The following ASZ1 variants were observed in gnomAD, a reference collection of about 807,000 sequenced individuals.
The protein encoded by ASZ1 is ankyrin repeat, SAM and basic leucine zipper domain-containing protein 1.
A neutral mutation model predicts 61.8 loss-of-function variants in ASZ1; 67 were observed. The observed-to-expected ratio is 1.08, with a 90% confidence interval of 0.89 to 1.33. ASZ1 has a LOEUF of 1.33. ASZ1 is among the 40% of genes most tolerant of loss of function. The probability of loss-of-function intolerance (pLI) is 0.00; values close to 1 mark genes in which losing one functional copy is unlikely to be tolerated. For missense variants in ASZ1, 577 were observed against 554.5 expected, an observed-to-expected ratio of 1.04 and a Z score of -0.41; for synonymous variants, 193 against 192.7, an observed-to-expected ratio of 1.00 and a Z score of -0.01.
At chr7:117,397,241 GAACCA>G (rs1257344540) in intron 4 of ASZ1, among the ~76,000 whole-genome samples, 2 of 151,608 alleles carry the variant, frequency 1.3e-5, no homozygotes, top group Non-Finnish European at 2.9e-5. Context: ...GAACCGAACC[GAACCA>G]AACCAAACCA....
intron 4 of ASZ1, among the ~76,000 whole-genome samples, chr7:117,403,343 G>A (rs1026734853): frequency 2.6e-5 from 4 of 152,054 alleles, no homozygotes; most frequent in Admixed American, 2.0e-4. Context: ...GCCTTATAAT[G>A]TCCACCTGGG....
intron 4 of ASZ1, among the ~76,000 whole-genome samples, chr7:117,405,576 G>A (rs978370291): frequency 6.6e-6 from 1 of 152,230 alleles, no homozygotes; most frequent in African/African-American, 2.4e-5. Flanking sequence ...AAGGATAGCA[G>A]TCATTGGGCC....
intron 12 of ASZ1, among the ~76,000 whole-genome samples, chr7:117,364,812 C>T (rs1795902316): frequency 6.6e-6 from 1 of 152,098 alleles, no homozygotes; most frequent in Non-Finnish European, 1.5e-5. Context: ...TCCTTTTTGA[C>T]ACTGATGCTC....
chr7:117,417,443 T>C (rs1022291226), intron 4 of ASZ1, among the ~76,000 whole-genome samples: 12 of 152,202 alleles, frequency 7.9e-5, no homozygotes, highest in African/African-American at 2.9e-4. Flanking sequence ...ATTGCTGGTA[T>C]CTTTTGGCAC....
intron 7 of ASZ1, 110 bp downstream of exon 7, chr7:117,382,876 T>C: frequency 8.5e-7 from 1 of 1,175,786 alleles, no homozygotes; most frequent in Non-Finnish European, 1.1e-6. Flanking sequence ...AAAATGCTTG[T>C]AAACATTTAA....
At chr7:117,405,256 TG>T (rs1477175627) in intron 4 of ASZ1, among the ~76,000 whole-genome samples, 2 of 152,188 alleles carry the variant, frequency 1.3e-5, no homozygotes, top group African/African-American at 4.8e-5. Flanking sequence ...ATGAGTTACG[TG>T]GTAAGCCAGA....
intron 4 of ASZ1, among the ~76,000 whole-genome samples, chr7:117,413,521 C>T (rs1229691302): frequency 1.3e-5 from 2 of 151,908 alleles, no homozygotes; most frequent in East Asian, 1.9e-4. Flanking sequence ...TGCCAGATAC[C>T]GTACACTGTG....
chr7:117,368,681 AT>A lies in ASZ1; in HGVS notation c.1091del (p.Asn364IlefsTer7). The A allele has an allele frequency of 6.2e-7, 1 of 1,612,874 alleles. No homozygotes were observed. Among genetic ancestry groups the A allele is most frequent in the East Asian group, 2.2e-5 (1 of 44,694 alleles). ...CTGTTATTAAATGGCCACACTGTTT[AT>A]TTAATTTGAGAAGAAAGTTGAGGAA... is the stretch of plus-strand genomic sequence containing the variant. ...DEFLNFLLKL[N>X]KQCGHLITAV... On this transcript the variant is annotated frameshift_variant, in exon 11 of 13. Transcript: ENST00000284629. LOFTEE classifies it high-confidence loss of function.
intron 11 of ASZ1, 39 bp downstream of exon 11, chr7:117,368,573 G>A: frequency 6.2e-7 from 1 of 1,600,026 alleles, no homozygotes; most frequent in South Asian, 1.1e-5. Flanking sequence ...GTTCTTCAGT[G>A]TTCATACTTT....
chr7:117,427,383 C>T lies in ASZ1; in HGVS notation c.78G>A (p.Glu26=), dbSNP rs768607232. The part of the protein sequence containing the change: ...ESSESEDDGW[E]IGYLDRTSQK... ...GAGACGTCCGGTCGAGATACCCAAT[C>T]TCCCAGCCATCATCCTCGCTCTCGC... is the stretch of plus-strand genomic sequence containing the variant. The change falls in exon 1 of 13, where the codon GAG becomes GAA. Residue 26 remains glutamate, a synonymous_variant. Coordinates refer to ENST00000284629, the MANE Select transcript of ASZ1 (RefSeq NM_130768.3). 9.3e-6 allele frequency: 15 copies of T among 1,614,124 alleles called. No homozygotes were observed. The Admixed American group carries it at 2.2e-4, about 23-fold the overall frequency.
Position 117,363,768 on chromosome 7 carries a change from A to ATT in ASZ1, c.1276-21_1276-20insAA. ...TTGCAACTAATATTTAGTATGGAAA[A>ATT]AGAAAAGAGGAGTTACTGTACAATA... On this transcript the variant is annotated intron_variant, in intron 12 of 12. Coordinates refer to ENST00000284629, the MANE Select transcript of ASZ1 (RefSeq NM_130768.3). 1 of 1,544,366 alleles carries ATT rather than the reference A, an allele frequency of 6.5e-7. No individual in the cohort carries two copies. The highest frequency in any genetic ancestry group is 8.8e-7 in the Non-Finnish European group (1 of 1,142,718).
intron 4 of ASZ1, among the ~76,000 whole-genome samples, chr7:117,401,293 C>G (rs1255043165): frequency 6.6e-6 from 1 of 151,078 alleles, no homozygotes; most frequent in Non-Finnish European, 1.5e-5. Flanking sequence ...GTTTCCCAAA[C>G]TAATGAAATA....
intron 4 of ASZ1, among the ~76,000 whole-genome samples, chr7:117,413,176 TG>T (rs1287796327): frequency 4.6e-5 from 7 of 152,000 alleles, no homozygotes; most frequent in African/African-American, 1.7e-4. Flanking sequence ...CTGTTTAAAC[TG>T]TTGTGAAAAC....
intron 8 of ASZ1, among the ~76,000 whole-genome samples, chr7:117,381,528 G>C (rs1300824362): frequency 6.6e-6 from 1 of 152,052 alleles, no homozygotes; most frequent in Non-Finnish European, 1.5e-5. Flanking sequence ...ATCTTAAATA[G>C]TGCTTTACTG....
intron 12 of ASZ1, among the ~76,000 whole-genome samples, chr7:117,365,644 G>T (rs1416792195): frequency 6.6e-6 from 1 of 152,038 alleles, no homozygotes; most frequent in Admixed American, 6.6e-5. Flanking sequence ...AACTTCCCTG[G>T]GATACCCATG....
At position 117,427,487 on chromosome 7, in the gene ASZ1, A is replaced by G; in HGVS notation, c.-27T>C. The stretch of plus-strand genomic sequence containing the variant: ...CCAGCCAAGGAAGCTCCCTGTCGGC[A>G]CCGCGCGCCCTTCAGCTCTCCGGGC... On this transcript the variant is annotated 5_prime_UTR_variant, in exon 1 of 13. Coordinates refer to ENST00000284629, the MANE Select transcript of ASZ1 (RefSeq NM_130768.3). 6.2e-7 allele frequency: 1 copy of G among 1,611,286 alleles called. No homozygotes were observed. The highest frequency in any genetic ancestry group is 8.5e-7 in the Non-Finnish European group (1 of 1,178,032).
chr7:117,376,796 A>G (rs1665879422), intron 10 of ASZ1, among the ~76,000 whole-genome samples: 1 of 152,162 alleles, frequency 6.6e-6, no homozygotes, highest in African/African-American at 2.4e-5. Context: ...CAATCTCATA[A>G]TCTACAAAAA....
chr7:117,421,281 T>A (rs926981257), intron 3 of ASZ1, among the ~76,000 whole-genome samples: 1 of 152,238 alleles, frequency 6.6e-6, no homozygotes, highest in South Asian at 2.1e-4. Flanking sequence ...AGCATGATCA[T>A]AACTCACTGC....
intron 4 of ASZ1, among the ~76,000 whole-genome samples, chr7:117,414,389 G>A (rs1166901055): frequency 6.6e-6 from 1 of 152,114 alleles, no homozygotes; most frequent in African/African-American, 2.4e-5. Context: ...AAATTTGGGT[G>A]CAATATAAAC....
Sources: gnomAD v4.1 joint callset for allele counts (sites outside exome capture counted in the v4.1 genomes callset) on GRCh38, gnomAD v4.1.1 for gene constraint, MANE v1.5 for transcripts, NCBI Gene and HGNC (gene_info 2026-07-23, HGNC 2026-07-21) for gene names.